DPH6: variants seen among roughly 807,000 people sequenced by gnomAD.
The protein encoded by DPH6 is diphthine--ammonia ligase.
A neutral mutation model predicts 38.2 loss-of-function variants in DPH6; 33 were observed. The observed-to-expected ratio is 0.86, with a 90% CI of 0.65 to 1.15. The LOEUF (loss-of-function observed/expected upper bound fraction) is 1.15, where lower values mean the gene tolerates loss of function less well. DPH6 is among the 50% of genes most tolerant of loss of function. The pLI is 0.00. For missense variants in DPH6, 325 were observed against 320.0 expected (o/e 1.02, Z -0.12); for synonymous variants, 108 against 103.0 (o/e 1.05, Z -0.30).
intron 6 of DPH6, among the ~76,000 whole-genome samples, chr15:35,382,520 C>G (rs1343761295): frequency 1.3e-5 from 2 of 152,064 alleles, no homozygotes; most frequent in Non-Finnish European, 1.5e-5. Context: ...GCCTCAGATT[C>G]AAAGCTAGAT....
At position 35,354,061 on chromosome 15, in the gene DPH6, TC is replaced by T. The variant is rs556092001; in HGVS notation, n.207+19459del. On this transcript the variant is annotated intron_variant and non_coding_transcript_variant, in intron 3 of 3. Coordinates refer to the DPH6 transcript ENST00000558973. ...GAAGCAATTGTGAATGGGAGTTCAC[TC>T]ATGATTTGGCTCTCTGTTTGTCTAT... Among the ~76,000 whole-genome samples the T allele has an allele frequency of 4.5e-3, 690 of 152,326 alleles. 4 individuals carry two copies. Among genetic ancestry groups the T allele is most frequent in the African/African-American group, 0.016 (663 of 41,566 alleles).
At chr15:35,355,537 A>G (rs964489838) in intron 3 of DPH6, among the ~76,000 whole-genome samples, 1 of 151,930 alleles carries the variant, frequency 6.6e-6, no homozygotes, top group Non-Finnish European at 1.5e-5. Flanking sequence ...TTTCTCCTCC[A>G]CTTATGAAGT....
At chr15:35,223,617 C>T (rs1265353541) in intron 3 of DPH6, among the ~76,000 whole-genome samples, 1 of 151,788 alleles carries the variant, frequency 6.6e-6, no homozygotes, top group Non-Finnish European at 1.5e-5. Context: ...ACCTGGGAGG[C>T]GGAGCTTGCA....
intron 3 of DPH6, among the ~76,000 whole-genome samples, chr15:35,343,398 T>C (rs956051798): frequency 6.6e-6 from 1 of 152,138 alleles, no homozygotes; most frequent in Non-Finnish European, 1.5e-5. Context: ...CAATGAGTTA[T>C]CTCTAGTATG....
chr15:35,372,363 G>A (rs748571985), intron 8 of DPH6, 160 bp from the exon 9 acceptor site: 2 of 530,534 alleles, frequency 3.8e-6, no homozygotes, highest in Admixed American at 8.7e-5. Flanking sequence ...TCATACTGAA[G>A]ACCAATCAAA....
the DPH6 span, among the ~76,000 whole-genome samples, chr15:35,157,971 C>G: frequency 3.3e-5 from 5 of 152,082 alleles, no homozygotes; most frequent in Non-Finnish European, 5.9e-5. Context: ...ATCAGATCTT[C>G]TAGATTTATA....
the DPH6 span, among the ~76,000 whole-genome samples, chr15:35,210,823 G>A: frequency 6.6e-6 from 1 of 151,938 alleles, no homozygotes; most frequent in East Asian, 1.9e-4. Flanking sequence ...AGGGGCTGTG[G>A]GTTTCAGGTC....
At chr15:35,345,508 G>A (rs982862466) in intron 3 of DPH6, among the ~76,000 whole-genome samples, 9 of 151,782 alleles carry the variant, frequency 5.9e-5, no homozygotes, top group African/African-American at 2.2e-4. Context: ...ATGCGTGGTT[G>A]TCTGTATTAT....
intron 3 of DPH6, among the ~76,000 whole-genome samples, chr15:35,338,525 G>A (rs1453011092): frequency 6.6e-6 from 1 of 152,062 alleles, no homozygotes; most frequent in South Asian, 2.1e-4. Flanking sequence ...TAAAAAGTCA[G>A]GAAACAACAG....
the DPH6 span, among the ~76,000 whole-genome samples, chr15:35,203,767 A>G: frequency 6.6e-6 from 1 of 151,770 alleles, no homozygotes; most frequent in Admixed American, 6.6e-5. Flanking sequence ...TGTTAATAAC[A>G]TAACCAATTA....
chr15:35,486,146 A>C (rs182262225), intron 3 of DPH6, among the ~76,000 whole-genome samples: 13 of 152,278 alleles, frequency 8.5e-5, no homozygotes, highest in Non-Finnish European at 1.8e-4. Context: ...GGCAAAGGAG[A>C]AGCAGGCAGG....
intron 5 of DPH6, among the ~76,000 whole-genome samples, chr15:35,423,475 T>A (rs1488844238): frequency 6.6e-6 from 1 of 151,756 alleles, no homozygotes; most frequent in African/African-American, 2.4e-5. Flanking sequence ...TTTGTAAATA[T>A]TGTTTTTCAC....
intron 3 of DPH6, among the ~76,000 whole-genome samples, chr15:35,261,384 T>C (rs1241760980): frequency 6.6e-6 from 1 of 152,220 alleles, no homozygotes; most frequent in African/African-American, 2.4e-5. Context: ...TTCCTTCTCT[T>C]GAAGATCTTT....
chr15:35,276,452 T>C (rs1325410905), intron 3 of DPH6, among the ~76,000 whole-genome samples: 1 of 152,248 alleles, frequency 6.6e-6, no homozygotes, highest in Non-Finnish European at 1.5e-5. Flanking sequence ...GTCCCAGCTA[T>C]TCATCTTTGT....
chr15:35,368,354 G>C (rs931597321), downstream of DPH6, among the ~76,000 whole-genome samples: 1 of 151,822 alleles, frequency 6.6e-6, no homozygotes, highest in African/African-American at 2.4e-5. Flanking sequence ...GGAATCCTAG[G>C]AGCAAGACTG....
chr15:35,198,121 T>C, the DPH6 span, among the ~76,000 whole-genome samples: 2 of 151,520 alleles, frequency 1.3e-5, no homozygotes, highest in Non-Finnish European at 2.9e-5. Context: ...TGCAATATGA[T>C]CCAGGTACTC....
intron 3 of DPH6, among the ~76,000 whole-genome samples, chr15:35,463,901 T>C (rs2141110889): frequency 6.6e-6 from 1 of 152,304 alleles, no homozygotes; most frequent in East Asian, 1.9e-4. Context: ...TGACAGGTCC[T>C]ATACTAGGAA....
chr15:35,376,812 C>T (rs1406474121), intron 7 of DPH6, among the ~76,000 whole-genome samples: 1 of 152,012 alleles, frequency 6.6e-6, no homozygotes, highest in African/African-American at 2.4e-5. Flanking sequence ...AGGTTTATAG[C>T]CTAGGAGCAT....
At chr15:35,414,314 G>C (rs1010936467) in intron 5 of DPH6, among the ~76,000 whole-genome samples, 7 of 151,530 alleles carry the variant, frequency 4.6e-5, no homozygotes, top group African/African-American at 1.7e-4. Context: ...GGCATTTGTT[G>C]TTCCTAATGA....
Sources: allele counts gnomAD v4.1 joint callset (sites outside exome capture counted in the v4.1 genomes callset), GRCh38; gene constraint gnomAD v4.1.1; transcripts MANE v1.5; gene names NCBI Gene and HGNC (gene_info 2026-07-23, HGNC 2026-07-21).